CECR2: variants seen among roughly 807,000 people sequenced by gnomAD.
CECR2 encodes the protein chromatin remodeling regulator CECR2.
In CECR2, 30 loss-of-function variants were observed where a neutral mutation model predicts 154.5. The observed-to-expected ratio is 0.19, with a 90% CI of 0.15 to 0.26. The LOEUF is 0.26. Ranked by LOEUF, CECR2 falls within the 10% of genes least tolerant of loss-of-function variation. The probability of loss-of-function intolerance (pLI) is 1.00; values close to 1 mark genes in which losing one functional copy is unlikely to be tolerated. For missense variants in CECR2, 1,743 were observed against 1,829.3 expected, an observed-to-expected ratio of 0.95 and a Z score of 0.86; for synonymous variants, 725 against 683.7, an observed-to-expected ratio of 1.06 and a Z score of -0.94.
chr22:17,505,167 C>T (rs868324999), intron 7 of CECR2, among the ~76,000 whole-genome samples, 151 bp downstream of exon 7: 3 of 152,176 alleles, frequency 2.0e-5, no homozygotes, highest in East Asian at 3.9e-4. Context: ...AGAATGGGAC[C>T]TCATGCCACC....
At chr22:17,523,476 GC>G (rs919015563) in intron 8 of CECR2, among the ~76,000 whole-genome samples, 4 of 151,650 alleles carry the variant, frequency 2.6e-5, no homozygotes, top group African/African-American at 9.7e-5. Context: ...ACCTTTATCG[GC>G]TGGGCACGGT....
intron 7 of CECR2, among the ~76,000 whole-genome samples, chr22:17,509,880 A>T (rs1039000121): frequency 1.1e-4 from 16 of 152,336 alleles, no homozygotes; most frequent in Non-Finnish European, 1.9e-4. Flanking sequence ...AAGATTTGAT[A>T]CATCTTTGTT....
upstream of CECR2, among the ~76,000 whole-genome samples, chr22:17,367,160 T>G (rs559325352): frequency 1.3e-4 from 20 of 152,180 alleles, no homozygotes; most frequent in Non-Finnish European, 4.4e-5. Context: ...AGGAAGACAA[T>G]GGCTCAGCCT....
intron 2 of CECR2, among the ~76,000 whole-genome samples, chr22:17,487,807 C>T (rs554036612): frequency 6.6e-6 from 1 of 152,194 alleles, no homozygotes; most frequent in Admixed American, 6.5e-5. Context: ...GGTCTTCACC[C>T]ACTGTCCTGT....
intron 1 of CECR2, among the ~76,000 whole-genome samples, chr22:17,382,179 T>C (rs8136325): frequency 0.87 from 131,253 of 151,634 alleles, 56,922 homozygotes; most frequent in East Asian, 0.93. Context: ...CGTGAGCCAC[T>C]GTGCCCGGCC....
At chr22:17,476,024 A>T (rs2146788306) in intron 1 of CECR2, among the ~76,000 whole-genome samples, 1 of 151,726 alleles carries the variant, frequency 6.6e-6, no homozygotes, top group African/African-American at 2.4e-5. Flanking sequence ...GGCCAAACTC[A>T]TTAGCTGGGT....
At position 17,503,068 on chromosome 22, in the gene CECR2, T is replaced by C. The variant is rs1369065709; in HGVS notation, c.651-14T>C. 5 of 1,609,498 alleles carry C rather than the reference T, an allele frequency of 3.1e-6. No homozygotes were observed. The African/African-American group carries it at 6.7e-5, about 21-fold the overall frequency. ...TCTTTGTTTTAATTGGCACCTCTTT[T>C]TCCTGTGTTTCAGTGAAAAGCAGGA... On this transcript the variant is annotated splice_polypyrimidine_tract_variant and intron_variant, in intron 5 of 18. Coordinates refer to ENST00000262608, the MANE Select transcript of CECR2 (RefSeq NM_001290047.2).
intron 2 of CECR2, among the ~76,000 whole-genome samples, chr22:17,487,648 C>T (rs569451803): frequency 6.6e-5 from 10 of 152,206 alleles, no homozygotes; most frequent in Admixed American, 2.0e-4. Context: ...GCCGAGATCG[C>T]GCCATGCACA....
At chr22:17,432,592 T>C (rs1041861285) in intron 1 of CECR2, among the ~76,000 whole-genome samples, 3 of 152,224 alleles carry the variant, frequency 2.0e-5, no homozygotes. Flanking sequence ...ACCAGCAGTG[T>C]ATGAGGATTC....
intron 1 of CECR2, among the ~76,000 whole-genome samples, chr22:17,446,308 A>G (rs2054661532): frequency 2.0e-5 from 3 of 152,116 alleles, no homozygotes; most frequent in Non-Finnish European, 4.4e-5. Flanking sequence ...CCTAGGAGCT[A>G]TGATTAGCTA....
chr22:17,362,652 C>T (rs1423384682), intron 1 of CECR2, among the ~76,000 whole-genome samples: 3 of 151,234 alleles, frequency 2.0e-5, no homozygotes, highest in Non-Finnish European at 4.4e-5. Context: ...GCCTGTAATC[C>T]CAGTACTTTG....
intron 2 of CECR2, among the ~76,000 whole-genome samples, chr22:17,481,942 C>G (rs1337823492): frequency 6.6e-6 from 1 of 151,338 alleles, no homozygotes; most frequent in African/African-American, 2.4e-5. Flanking sequence ...CAGTGAAACC[C>G]CATCTCTACT....
intron 1 of CECR2, among the ~76,000 whole-genome samples, chr22:17,445,603 G>A (rs181283935): frequency 6.8e-6 from 1 of 147,184 alleles, no homozygotes. Flanking sequence ...TTGAGGCAGA[G>A]GCTCACCCTG....
At chr22:17,467,937 TTC>T (rs1368128398) in intron 1 of CECR2, among the ~76,000 whole-genome samples, 2 of 152,208 alleles carry the variant, frequency 1.3e-5, no homozygotes, top group Non-Finnish European at 2.9e-5. Flanking sequence ...GTGAAATGTG[TTC>T]TGTTTTTGCA....
chr22:17,480,610 T>C (rs1185440335), intron 2 of CECR2, among the ~76,000 whole-genome samples: 1 of 152,202 alleles, frequency 6.6e-6, no homozygotes, highest in Non-Finnish European at 1.5e-5. Context: ...TGGTTCCACA[T>C]GCGGTTACTG....
rs556495974 is a variant in CECR2, at chr22:17,496,269, G to A, written c.222-1134G>A. On this transcript the variant is annotated intron_variant, in intron 2 of 18. Transcript: ENST00000262608. ...TCCCAGCACTTTGTGAGGACGAGGC[G>A]GGTGGATCACGAGGTCAGGAGATCG... is the stretch of plus-strand genomic sequence containing the variant. Among the ~76,000 whole-genome samples the A allele has an allele frequency of 2.0e-3, 310 of 152,176 alleles. 1 individual carries two copies. The highest frequency in any genetic ancestry group is 3.6e-3 in the Non-Finnish European group (243 of 68,010).
intron 1 of CECR2, chr22:17,419,859 C>G (rs2054218920): frequency 3.7e-6 from 1 of 270,520 alleles, no homozygotes; most frequent in African/African-American, 2.3e-5. Flanking sequence ...AAATAATTGG[C>G]AAGATAATGA....
intron 1 of CECR2, among the ~76,000 whole-genome samples, chr22:17,456,398 A>G (rs2054855104): frequency 6.6e-6 from 1 of 152,112 alleles, no homozygotes. Context: ...TAGAACATTA[A>G]ATTTGTTGGA....
chr22:17,500,697 C>T lies in CECR2; in HGVS notation c.612C>T (p.Pro204=), dbSNP rs1309148820. 3.9e-6 allele frequency: 6 copies of T among 1,556,706 alleles called. No individual in the cohort carries two copies. The highest frequency in any genetic ancestry group is 5.2e-6 in the Non-Finnish European group (6 of 1,150,332). The change falls in exon 5 of 19, where the codon CCC becomes CCT. Residue 204 remains proline, a synonymous_variant. Coordinates refer to ENST00000262608, the MANE Select transcript of CECR2 (RefSeq NM_001290047.2). ...PGKTGKRRGR[P]PKRKKLQEEI... is the part of the protein sequence containing the mutation. ...AAACGGGAAAAAGAAGAGGAAGACC[C>T]CCAAAACGGAAGAAACTGCAGGAGG... is the stretch of plus-strand genomic sequence containing the variant.
Sources: allele counts gnomAD v4.1 joint callset (sites outside exome capture counted in the v4.1 genomes callset), GRCh38; gene constraint gnomAD v4.1.1; transcripts MANE v1.5; gene names NCBI Gene and HGNC (gene_info 2026-07-23, HGNC 2026-07-21).